Variants in VPS13B observed in about 807,000 individuals in gnomAD.
VPS13B encodes the protein vacuolar protein sorting 13 homolog B.
In VPS13B, 285 loss-of-function variants were observed where a neutral mutation model predicts 426.4. That is an observed-to-expected ratio of 0.67 (90% CI 0.61 to 0.74). The LOEUF (loss-of-function observed/expected upper bound fraction) is 0.74, where lower values mean the gene tolerates loss of function less well. VPS13B is among the 30% of genes least tolerant of loss of function. The pLI, the probability that VPS13B is intolerant of heterozygous loss-of-function variation, is 0.00. For synonymous variants in VPS13B, 1,676 were observed against 1,676.4 expected (o/e 1.00, Z 0.01); for missense variants, 4,537 against 4,782.6 (o/e 0.95, Z 1.51).
chr8:99,291,466 A>T (rs1819729890), intron 19 of VPS13B, among the ~76,000 whole-genome samples: 1 of 152,130 alleles, frequency 6.6e-6, no homozygotes, highest in Non-Finnish European at 1.5e-5. Context: ...CAGACTCTAG[A>T]TAATTTATGA....
At chr8:99,305,456 TAAGGG>T (rs2133082936) in intron 19 of VPS13B, among the ~76,000 whole-genome samples, 1 of 152,218 alleles carries the variant, frequency 6.6e-6, no homozygotes, top group East Asian at 1.9e-4. Flanking sequence ...CCATTTTTTA[TAAGGG>T]ATTTGAGTAT....
At chr8:99,234,303 C>A (rs1449469997) in intron 17 of VPS13B, 4 of 758,504 alleles carry the variant, frequency 5.3e-6, no homozygotes, top group Middle Eastern at 2.8e-4. Flanking sequence ...TTGACTTGTT[C>A]CACATTCTCC....
intron 52 of VPS13B, among the ~76,000 whole-genome samples, chr8:99,834,835 A>G (rs1588764241): frequency 6.6e-6 from 1 of 152,234 alleles, no homozygotes; most frequent in African/African-American, 2.4e-5. Context: ...CCGGGATTAT[A>G]GGCGTGAGCC....
intron 17 of VPS13B, chr8:99,233,263 C>T (rs1816447339): frequency 2.5e-6 from 3 of 1,189,304 alleles, no homozygotes; most frequent in East Asian, 4.7e-5. Flanking sequence ...CACAGTCTTG[C>T]CACCTTTGCC....
At chr8:99,365,618 G>A (rs1812832432) in intron 19 of VPS13B, among the ~76,000 whole-genome samples, 1 of 148,420 alleles carries the variant, frequency 6.7e-6, no homozygotes, top group African/African-American at 2.5e-5. Context: ...CCGGGTTCAA[G>A]CGATTCTTCT....
intron 13 of VPS13B, among the ~76,000 whole-genome samples, chr8:99,145,024 G>A (rs1253531883): frequency 6.6e-6 from 1 of 152,118 alleles, no homozygotes; most frequent in African/African-American, 2.4e-5. Context: ...GTTTTATGTA[G>A]ACAAGTGCAA....
intron 8 of VPS13B, among the ~76,000 whole-genome samples, chr8:99,132,441 A>T (rs1194097346): frequency 6.6e-6 from 1 of 152,140 alleles, no homozygotes; most frequent in Non-Finnish European, 1.5e-5. Context: ...TAAGTCTTGA[A>T]TACCTCAAAG....
intron 17 of VPS13B, among the ~76,000 whole-genome samples, chr8:99,208,938 A>G (rs1814900755): frequency 6.6e-6 from 1 of 152,218 alleles, no homozygotes; most frequent in Admixed American, 6.5e-5. Flanking sequence ...AAATAACAGA[A>G]TGAGAAGTTG....
At chr8:99,455,960 A>T (rs1818434459) in intron 23 of VPS13B, among the ~76,000 whole-genome samples, 1 of 152,224 alleles carries the variant, frequency 6.6e-6, no homozygotes, top group Non-Finnish European at 1.5e-5. Context: ...GTAACTGATC[A>T]TTGATAGAGT....
intron 33 of VPS13B, among the ~76,000 whole-genome samples, chr8:99,605,146 T>C (rs774916070): frequency 6.6e-5 from 10 of 152,208 alleles, no homozygotes; most frequent in Non-Finnish European, 1.3e-4. Flanking sequence ...TCATTAGTGA[T>C]GTTGATGACC....
chr8:99,875,187 T>C, intron 61 of VPS13B: 1 of 602,902 alleles, frequency 1.7e-6, no homozygotes, highest in Non-Finnish European at 2.9e-6. Context: ...ACCAAATGCT[T>C]ATTCTAAGGA....
intron 35 of VPS13B, among the ~76,000 whole-genome samples, chr8:99,675,607 C>T (rs1451218946): frequency 6.6e-6 from 1 of 152,058 alleles, no homozygotes; most frequent in African/African-American, 2.4e-5. Context: ...TTGATGCTGT[C>T]CCATGAATCC....
rs542173215 is a variant in VPS13B, at chr8:99,108,999, A to G, written c.581-2099A>G. On this transcript the variant is annotated intron_variant, in intron 5 of 61. Coordinates refer to ENST00000357162, the MANE Select transcript of VPS13B (RefSeq NM_152564.5). ...TCCAAAGGTCTTAGGCTTTTCTTTG[A>G]TTGCTTTTTCCAGGTTTTGGAAGTT... Among the ~76,000 whole-genome samples, 10 of 152,134 alleles carry G rather than the reference A, an allele frequency of 6.6e-5. No individual in the cohort carries two copies. The East Asian group carries it at 1.9e-3, about 29-fold the overall frequency.
Position 99,688,472 on chromosome 8 carries a change from G to A in VPS13B, c.6047-11053G>A, listed in dbSNP as rs571526369. ...AGTTTTTGGCTTGGGACCAGATAAA[G>A]AGGGAATGAAATGAGGAGTCAAAAA... On this transcript the variant is annotated intron_variant, in intron 35 of 61. Transcript: ENST00000357162. Among the ~76,000 whole-genome samples the A allele has an allele frequency of 2.4e-4, 37 of 152,142 alleles. 1 individual carries two copies. The highest frequency in any genetic ancestry group is 8.7e-4 in the African/African-American group (36 of 41,426).
At chr8:99,463,767 A>G (rs1402186454) in intron 23 of VPS13B, among the ~76,000 whole-genome samples, 1 of 152,054 alleles carries the variant, frequency 6.6e-6, no homozygotes, top group African/African-American at 2.4e-5. Context: ...ATCTCGGTTC[A>G]CTGGAGCCTC....
chr8:99,482,811 A>G (rs1374529350), intron 25 of VPS13B, among the ~76,000 whole-genome samples: 1 of 152,122 alleles, frequency 6.6e-6, no homozygotes, highest in African/African-American at 2.4e-5. Context: ...TTCATTTTTC[A>G]GGACTGCCCT....
chr8:99,630,106 CTA>C (rs1828781143), intron 33 of VPS13B, among the ~76,000 whole-genome samples: 1 of 152,110 alleles, frequency 6.6e-6, no homozygotes, highest in Admixed American at 6.5e-5. Flanking sequence ...CTGAGAATCT[CTA>C]TTTAAACAAG....
chr8:99,098,320 T>C (rs1846535972), intron 4 of VPS13B, among the ~76,000 whole-genome samples: 1 of 152,072 alleles, frequency 6.6e-6, no homozygotes, highest in African/African-American at 2.4e-5. Context: ...GTGTACAACC[T>C]TTTAGAGAGT....
intron 33 of VPS13B, among the ~76,000 whole-genome samples, chr8:99,611,096 G>T (rs931485667): frequency 6.6e-5 from 10 of 152,280 alleles, no homozygotes; most frequent in African/African-American, 1.9e-4. Flanking sequence ...TATGGGAAAT[G>T]AATTCATTTG....
Sources: allele counts gnomAD v4.1 joint callset (sites outside exome capture counted in the v4.1 genomes callset), GRCh38; gene constraint gnomAD v4.1.1; transcripts MANE v1.5; gene names NCBI Gene and HGNC (gene_info 2026-07-23, HGNC 2026-07-21).